Variants in ANO10 observed in about 807,000 individuals in gnomAD.
ANO10 encodes anoctamin 10.
ANO10 carries 77 observed loss-of-function variants against 74.7 expected under a neutral mutation model. That is an observed-to-expected ratio of 1.03 (90% CI 0.86 to 1.25). The LOEUF (loss-of-function observed/expected upper bound fraction) is 1.25, where lower values mean the gene tolerates loss of function less well. ANO10 is among the 50% of genes most tolerant of loss of function. ANO10 has a pLI of 0.00. For synonymous variants in ANO10, 279 were observed against 284.9 expected (o/e 0.98, Z 0.21); for missense variants, 721 against 778.1 (o/e 0.93, Z 0.87).
intron 11 of ANO10, among the ~76,000 whole-genome samples, chr3:43,530,945 C>T (rs1449639899): frequency 6.6e-6 from 1 of 151,986 alleles, no homozygotes. Context: ...TATACCTTCT[C>T]CTTGGGCACA....
rs1405773950 is a variant in ANO10 at position 43,387,851 on chromosome 3, G to A, written c.1915-20877C>T. 3.3e-5 allele frequency among the ~76,000 whole-genome samples: 5 copies of A among 152,122 alleles called. No individual in the cohort carries two copies. In the South Asian group the frequency reaches 1.0e-3, roughly 32 times the overall value. On this transcript the variant is annotated intron_variant, in intron 12 of 12. Transcript: ENST00000292246. ...AGTCCCCGAGTGGCTAAGTCCTGTG[G>A]TCCACCCTGTGCTGGGCTTGTACCC...
chr3:43,588,879 G>A (rs1190305054), intron 4 of ANO10, among the ~76,000 whole-genome samples: 4 of 152,162 alleles, frequency 2.6e-5, no homozygotes, highest in East Asian at 3.9e-4. Context: ...AAGAAAATAC[G>A]AAGAACAAAT....
intron 11 of ANO10, among the ~76,000 whole-genome samples, chr3:43,477,969 G>A (rs935824736): frequency 6.6e-6 from 1 of 152,222 alleles, no homozygotes; most frequent in Admixed American, 6.5e-5. Flanking sequence ...CTCTAAGGAA[G>A]TAGTCTCTGT....
At chr3:43,675,611 T>C (rs1275755719) in intron 1 of ANO10, among the ~76,000 whole-genome samples, 1 of 151,790 alleles carries the variant, frequency 6.6e-6, no homozygotes, top group Non-Finnish European at 1.5e-5. Context: ...AAACATCACA[T>C]GAAAAGATGT....
intron 7 of ANO10, among the ~76,000 whole-genome samples, chr3:43,572,141 G>A (rs1265880595): frequency 6.6e-6 from 1 of 152,184 alleles, no homozygotes; most frequent in African/African-American, 2.4e-5. Flanking sequence ...CTACCACCCA[G>A]GTAGCCCAAG....
intron 1 of ANO10, among the ~76,000 whole-genome samples, chr3:43,662,216 A>G (rs965004158): frequency 1.3e-5 from 2 of 152,246 alleles, no homozygotes; most frequent in East Asian, 1.9e-4. Context: ...CTCTCAGACC[A>G]CAGTTCAATC....
intron 12 of ANO10, among the ~76,000 whole-genome samples, chr3:43,368,762 A>G (rs1281809973): frequency 1.3e-5 from 2 of 151,714 alleles, no homozygotes; most frequent in Admixed American, 6.6e-5. Context: ...TCACACTGCA[A>G]CCTCGAACTC....
At chr3:43,597,214 A>G (rs1181117140) in intron 4 of ANO10, among the ~76,000 whole-genome samples, 5 of 152,216 alleles carry the variant, frequency 3.3e-5, no homozygotes, top group Admixed American at 6.5e-5. Flanking sequence ...CGATTCCTCA[A>G]GGATCTAGAA....
chr3:43,540,698 C>T (rs1247161782), intron 11 of ANO10, among the ~76,000 whole-genome samples: 1 of 152,142 alleles, frequency 6.6e-6, no homozygotes, highest in Non-Finnish European at 1.5e-5. Flanking sequence ...ACACCAATGC[C>T]CACTCAGCAG....
intron 11 of ANO10, among the ~76,000 whole-genome samples, chr3:43,448,872 T>A (rs1158642858): frequency 3.9e-5 from 3 of 76,888 alleles, no homozygotes; most frequent in African/African-American, 9.4e-5. Context: ...TTTCTTTCTT[T>A]CTTTTTTTTT....
intron 3 of ANO10, 24 bp downstream of exon 3, chr3:43,600,360 A>G: frequency 1.9e-6 from 3 of 1,613,030 alleles, no homozygotes; most frequent in Non-Finnish European, 2.5e-6. Context: ...GGATTCTAAC[A>G]GAGACAAAGA....
At chr3:43,457,306 T>C (rs978405865) in intron 11 of ANO10, among the ~76,000 whole-genome samples, 1 of 152,222 alleles carries the variant, frequency 6.6e-6, no homozygotes, top group African/African-American at 2.4e-5. Flanking sequence ...CACACTGCTA[T>C]GAAGAACTTC....
chr3:43,404,635 A>G (rs533696298), intron 12 of ANO10, among the ~76,000 whole-genome samples: 75 of 152,226 alleles, frequency 4.9e-4, no homozygotes, highest in Non-Finnish European at 6.2e-4. Context: ...TAATCCCAGC[A>G]TTTTACAAGG....
At chr3:43,654,395 A>C (rs2083823494) in intron 1 of ANO10, among the ~76,000 whole-genome samples, 1 of 152,174 alleles carries the variant, frequency 6.6e-6, no homozygotes, top group Non-Finnish European at 1.5e-5. Flanking sequence ...TTCAGAGGGT[A>C]TATAATCTTT....
intron 12 of ANO10, among the ~76,000 whole-genome samples, chr3:43,384,975 T>C (rs1404820931): frequency 2.6e-5 from 4 of 152,058 alleles, no homozygotes; most frequent in African/African-American, 9.7e-5. Context: ...TCAGCAGAGT[T>C]AACAGACAAC....
At chr3:43,584,713 A>T (rs374631810) in intron 4 of ANO10, among the ~76,000 whole-genome samples, 11 of 152,338 alleles carry the variant, frequency 7.2e-5, no homozygotes, top group African/African-American at 2.6e-4. Context: ...TCACAGCGCC[A>T]TCTAACTGCT....
intron 11 of ANO10, among the ~76,000 whole-genome samples, chr3:43,441,050 TAAGA>T (rs1458395275): frequency 3.3e-5 from 5 of 151,688 alleles, no homozygotes; most frequent in Non-Finnish European, 7.4e-5. Context: ...ACGACAGTAC[TAAGA>T]GAGAAGTTTA....
At chr3:43,640,335 G>A (rs2083659265) in intron 1 of ANO10, among the ~76,000 whole-genome samples, 1 of 152,208 alleles carries the variant, frequency 6.6e-6, no homozygotes, top group African/African-American at 2.4e-5. Context: ...GCATGGTGAA[G>A]AGAAGGCATC....
At chr3:43,436,159 T>G (rs1225292050) in intron 11 of ANO10, among the ~76,000 whole-genome samples, 1 of 152,186 alleles carries the variant, frequency 6.6e-6, no homozygotes, top group Non-Finnish European at 1.5e-5. Flanking sequence ...GTCAATTTTT[T>G]GGATATTATT....
Sources: gnomAD v4.1 joint callset for allele counts (sites outside exome capture counted in the v4.1 genomes callset) on GRCh38, gnomAD v4.1.1 for gene constraint, MANE v1.5 for transcripts, NCBI Gene and HGNC (gene_info 2026-07-23, HGNC 2026-07-21) for gene names.